ZCWPW2: variants seen among roughly 807,000 people sequenced by gnomAD.
ZCWPW2 encodes zinc finger CW-type PWWP domain protein 2.
Under a neutral mutation model 46.6 loss-of-function variants are expected in ZCWPW2, and 45 were observed. The observed-to-expected ratio is 0.96, with a 90% CI of 0.76 to 1.24. ZCWPW2 has a LOEUF of 1.24. Ranked by LOEUF, ZCWPW2 falls within the 50% of genes most tolerant of loss-of-function variation. ZCWPW2 has a pLI of 0.00. For synonymous variants in ZCWPW2, 152 were observed against 137.1 expected (o/e 1.11, Z -0.76); for missense variants, 429 against 403.9 (o/e 1.06, Z -0.53).
chr3:28,423,730 C>T (rs1696893548), intron 3 of ZCWPW2, among the ~76,000 whole-genome samples: 1 of 152,094 alleles, frequency 6.6e-6, no homozygotes. Context: ...ACTTTTCCAA[C>T]ACTTGCAGAT....
At chr3:28,461,276 T>C (rs1446552192) in intron 4 of ZCWPW2, among the ~76,000 whole-genome samples, 1 of 152,116 alleles carries the variant, frequency 6.6e-6, no homozygotes, top group African/African-American at 2.4e-5. Flanking sequence ...ACCCCCCAGA[T>C]TGGTCATACT....
chr3:28,412,961 T>C, intron 2 of ZCWPW2, 95 bp from the exon 3 acceptor site: 1 of 944,234 alleles, frequency 1.1e-6, no homozygotes, highest in Non-Finnish European at 1.5e-6. Context: ...GCATAGAAGA[T>C]ATCAAAGAGG....
At chr3:28,492,608 C>A (rs1361400550) in intron 6 of ZCWPW2, among the ~76,000 whole-genome samples, 1 of 151,930 alleles carries the variant, frequency 6.6e-6, no homozygotes, top group Non-Finnish European at 1.5e-5. Context: ...TTTTCTGAAC[C>A]TGGAATTTTG....
chr3:28,402,978 G>A (rs1239364146), intron 2 of ZCWPW2, among the ~76,000 whole-genome samples: 2 of 152,108 alleles, frequency 1.3e-5, no homozygotes, highest in African/African-American at 2.4e-5. Context: ...TTCCCTCTGA[G>A]AACAGGAACA....
chr3:28,479,422 G>C (rs1466814876), intron 5 of ZCWPW2, among the ~76,000 whole-genome samples: 4 of 152,016 alleles, frequency 2.6e-5, no homozygotes, highest in East Asian at 3.8e-4. Flanking sequence ...AATATTTTAG[G>C]TTATTTTCAA....
intron 4 of ZCWPW2, among the ~76,000 whole-genome samples, chr3:28,437,976 A>G (rs990002522): frequency 1.3e-5 from 2 of 152,140 alleles, no homozygotes; most frequent in Non-Finnish European, 2.9e-5. Flanking sequence ...CTTCCAGGAA[A>G]AGGCTTGGAC....
intron 6 of ZCWPW2, among the ~76,000 whole-genome samples, chr3:28,513,333 G>A (rs1700478781): frequency 6.6e-6 from 1 of 152,024 alleles, no homozygotes; most frequent in Non-Finnish European, 1.5e-5. Context: ...TTATTCGATT[G>A]GGAAATCTCA....
chr3:28,441,674 C>A (rs1025846760), intron 4 of ZCWPW2, among the ~76,000 whole-genome samples: 9 of 152,166 alleles, frequency 5.9e-5, no homozygotes, highest in African/African-American at 2.2e-4. Flanking sequence ...ATGTACCTTA[C>A]TTGTGCCTTC....
At chr3:28,400,897 C>T (rs541153438) in intron 2 of ZCWPW2, among the ~76,000 whole-genome samples, 19 of 152,080 alleles carry the variant, frequency 1.2e-4, no homozygotes, top group Admixed American at 7.9e-4. Context: ...AAAACAAAGA[C>T]GGCTGGGCAT....
At position 28,413,269 on chromosome 3, in the gene ZCWPW2, A is replaced by T. The variant is rs772337148; in HGVS notation, c.201A>T (p.Arg67Ser). 7 of 1,613,376 alleles carry T rather than the reference A, an allele frequency of 4.3e-6. No homozygotes were observed. The highest frequency in any genetic ancestry group is 5.1e-6 in the Non-Finnish European group (6 of 1,179,556). Residue 67 changes from arginine to serine, a missense_variant, in exon 3 of 10, where the codon AGA becomes AGT. Coordinates refer to ENST00000383768, the MANE Select transcript of ZCWPW2 (RefSeq NM_001040432.4). ...ACTGCTTCATGAACACTGATTCAAG[A>T]TATAATAACTGCTCAATTTCTGAAG... is the stretch of plus-strand genomic sequence containing the variant. ...PWYCFMNTDS[R>S]YNNCSISEED...
chr3:28,421,834 TTGTGTGTGTG>T (rs71087697), intron 3 of ZCWPW2, among the ~76,000 whole-genome samples: 159 of 133,908 alleles, frequency 1.2e-3, no homozygotes, highest in Admixed American at 3.2e-3. Context: ...GGAGAATAGT[TTGTGTGTGTG>T]TGTGTGTGTG....
intron 4 of ZCWPW2, among the ~76,000 whole-genome samples, chr3:28,475,801 C>T (rs1699218048): frequency 1.3e-5 from 2 of 152,122 alleles, no homozygotes. Context: ...GGCCTAAATT[C>T]ACCTTTTTGA....
chr3:28,498,638 G>A (rs996101983), intron 6 of ZCWPW2, among the ~76,000 whole-genome samples: 4 of 151,244 alleles, frequency 2.6e-5, no homozygotes, highest in African/African-American at 9.7e-5. Context: ...TAGACAGTTA[G>A]GATTAGCTAT....
intron 3 of ZCWPW2, among the ~76,000 whole-genome samples, chr3:28,421,834 TTGTGTGTGTGTGTGTGTGTGTGTGTGTG>T (rs71087697): frequency 7.5e-6 from 1 of 133,838 alleles, no homozygotes; most frequent in East Asian, 2.2e-4. Context: ...GGAGAATAGT[TTGTGTGTGTGTGTGTGTGTGTGTGTGTG>T]TGTGTGTGTG....
intron 9 of ZCWPW2, 104 bp downstream of exon 9, chr3:28,521,220 A>G: frequency 7.7e-7 from 1 of 1,292,376 alleles, no homozygotes; most frequent in South Asian, 1.6e-5. Context: ...AACTCTTTTC[A>G]TGTCTGAAAT....
chr3:28,512,998 A>G (rs772124388), intron 6 of ZCWPW2, among the ~76,000 whole-genome samples: 13 of 152,322 alleles, frequency 8.5e-5, no homozygotes, highest in Non-Finnish European at 1.3e-4. Flanking sequence ...CCCTCTAACC[A>G]GCACCAGATC....
intron 4 of ZCWPW2, among the ~76,000 whole-genome samples, chr3:28,439,400 AT>A (rs1161830232): frequency 1.3e-5 from 2 of 152,032 alleles, no homozygotes; most frequent in African/African-American, 4.8e-5. Context: ...CTGGCATCTG[AT>A]TAAATGGTGC....
intron 6 of ZCWPW2, among the ~76,000 whole-genome samples, chr3:28,495,095 A>C (rs1387517496): frequency 1.3e-5 from 2 of 151,872 alleles, no homozygotes; most frequent in East Asian, 3.9e-4. Flanking sequence ...GTTCATATGG[A>C]ACCAAAAAAG....
intron 1 of ZCWPW2, among the ~76,000 whole-genome samples, chr3:28,368,053 TG>T (rs1376873402): frequency 6.6e-6 from 1 of 152,156 alleles, no homozygotes; most frequent in Admixed American, 6.5e-5. Context: ...GCACATGAGA[TG>T]GGTTTCCTGA....
Sources: gnomAD v4.1 joint callset for allele counts (sites outside exome capture counted in the v4.1 genomes callset) on GRCh38, gnomAD v4.1.1 for gene constraint, MANE v1.5 for transcripts, NCBI Gene and HGNC (gene_info 2026-07-23, HGNC 2026-07-21) for gene names.